Variants in WASHC3 observed in about 807,000 individuals in gnomAD.
The protein encoded by WASHC3 is WASH complex subunit CCDC53.
In WASHC3, 24 loss-of-function variants were observed where a neutral mutation model predicts 26.1. That is an observed-to-expected ratio of 0.92 (90% CI 0.66 to 1.29). The LOEUF (loss-of-function observed/expected upper bound fraction) is 1.29, where lower values mean the gene tolerates loss of function less well. Among genes scored for constraint, WASHC3 ranks in the 50% most tolerant of loss-of-function variants. The pLI, the probability that WASHC3 is intolerant of heterozygous loss-of-function variation, is 0.00. For synonymous variants in WASHC3, 77 were observed against 75.7 expected, an observed-to-expected ratio of 1.02 and a Z score of -0.09; for missense variants, 214 against 229.6, an observed-to-expected ratio of 0.93 and a Z score of 0.44.
intron 2 of WASHC3, among the ~76,000 whole-genome samples, chr12:102,055,138 C>T (rs968322160): frequency 1.3e-5 from 2 of 151,922 alleles, no homozygotes; most frequent in Admixed American, 6.6e-5. Context: ...AAAAGAAAAA[C>T]AAAATCCACA....
At chr12:102,018,702 T>G (rs1876816714) in intron 6 of WASHC3, among the ~76,000 whole-genome samples, 1 of 152,254 alleles carries the variant, frequency 6.6e-6, no homozygotes, top group Admixed American at 6.5e-5. Flanking sequence ...ACTCCTGGCT[T>G]CAAGTGATTC....
At chr12:102,015,668 A>G (rs1489336270) in intron 6 of WASHC3, among the ~76,000 whole-genome samples, 1 of 152,224 alleles carries the variant, frequency 6.6e-6, no homozygotes, top group Non-Finnish European at 1.5e-5. Flanking sequence ...TGTGTTAGGT[A>G]CTGGAGATAC....
At chr12:102,013,239 A>G (rs1876558844) in intron 6 of WASHC3, 47 bp from the exon 7 acceptor site, 1 of 916,680 alleles carries the variant, frequency 1.1e-6, no homozygotes. Flanking sequence ...CCAATTGAAA[A>G]GAGCACTTAC....
Position 102,061,229 on chromosome 12 carries a change from C to T in WASHC3, c.150+19G>A. ...GGTGATTTCCAGGCGACTCTATAAA[C>T]CAGTATCACCGGACCTACCTCCTCA... On this transcript the variant is annotated intron_variant, in intron 2 of 6. Coordinates refer to ENST00000240079, the MANE Select transcript of WASHC3 (RefSeq NM_016053.4). 3.2e-6 allele frequency: 5 copies of T among 1,544,702 alleles called. No homozygotes were observed. Among genetic ancestry groups the T allele is most frequent in the Non-Finnish European group, 4.5e-6 (5 of 1,117,122 alleles).
chr12:102,044,251 A>G (rs1247092553), intron 3 of WASHC3, 39 bp from the exon 4 acceptor site: 3 of 1,028,808 alleles, frequency 2.9e-6, no homozygotes, highest in Non-Finnish European at 4.4e-6. Flanking sequence ...TGAAGATAGT[A>G]CTTGCATAAA....
At chr12:102,047,243 C>T (rs1468975225) in intron 2 of WASHC3, among the ~76,000 whole-genome samples, 1 of 152,086 alleles carries the variant, frequency 6.6e-6, no homozygotes, top group Non-Finnish European at 1.5e-5. Flanking sequence ...ACACAGCATC[C>T]TGATTGTATT....
rs376789257 is a variant in WASHC3 at position 102,025,993 on chromosome 12, G to A, written c.481C>T (p.Leu161=). The A allele has an allele frequency of 5.2e-6, 8 of 1,531,920 alleles. No homozygotes were observed. The African/African-American group carries it at 9.6e-5, about 18-fold the overall frequency. The allele number at this position is 1,531,920 out of a possible 1,614,324, so 94.9% of individuals were successfully genotyped here. ...AIRNKMISEG[L]DPDLLERPDA... ...ACTTACTCAAGAAGATCTGGGTCTA[G>A]TCCTTCTGATATCATTTTGTTTCTT... Residue 161 remains leucine (L), a synonymous_variant, in exon 6 of 7, where the codon CTA becomes TTA. Coordinates refer to ENST00000240079, the MANE Select transcript of WASHC3 (RefSeq NM_016053.4).
At chr12:102,043,547 G>T (rs917804425) in intron 4 of WASHC3, 2 of 152,286 alleles carry the variant, frequency 1.3e-5, no homozygotes, top group Admixed American at 1.3e-4. Flanking sequence ...GGGATTACAG[G>T]CCTGAGTGAC....
At chr12:102,060,350 G>A (rs991107663) in intron 2 of WASHC3, among the ~76,000 whole-genome samples, 2 of 152,122 alleles carry the variant, frequency 1.3e-5, no homozygotes, top group African/African-American at 4.8e-5. Context: ...TTTCTCTGTT[G>A]TCCAGTCTTG....
intron 2 of WASHC3, 146 bp from the exon 3 acceptor site, chr12:102,046,265 G>A: frequency 3.8e-6 from 2 of 530,172 alleles, no homozygotes; most frequent in South Asian, 5.0e-5. Flanking sequence ...GTAGGAATGA[G>A]AACTCTTCTA....
intron 4 of WASHC3, among the ~76,000 whole-genome samples, chr12:102,043,361 G>A (rs954885262): frequency 1.8e-4 from 28 of 151,956 alleles, no homozygotes; most frequent in Middle Eastern, 6.8e-3. Context: ...CCTCTGCCTC[G>A]TGGGCTCAAG....
chr12:102,038,965 A>T (rs116045878), intron 5 of WASHC3, among the ~76,000 whole-genome samples: 2,786 of 151,416 alleles, frequency 0.018, 82 homozygotes, highest in African/African-American at 0.065. Context: ...TATTATTATT[A>T]TTTTTTGAGA....
At chr12:102,053,750 A>C (rs561522942) in intron 2 of WASHC3, among the ~76,000 whole-genome samples, 2 of 152,230 alleles carry the variant, frequency 1.3e-5, no homozygotes, top group Non-Finnish European at 2.9e-5. Flanking sequence ...ATTATTTAAA[A>C]AATCAAACAG....
At chr12:102,057,939 C>T (rs1490683689) in intron 2 of WASHC3, among the ~76,000 whole-genome samples, 2 of 151,786 alleles carry the variant, frequency 1.3e-5, no homozygotes, top group Non-Finnish European at 2.9e-5. Flanking sequence ...CACAAAAGAC[C>T]CTGAACAGGC....
At chr12:102,015,233 G>T (rs1421356517) in intron 6 of WASHC3, among the ~76,000 whole-genome samples, 1 of 152,080 alleles carries the variant, frequency 6.6e-6, no homozygotes, top group Non-Finnish European at 1.5e-5. Context: ...AGAGGCTGCA[G>T]TAAGCTGTGA....
chr12:102,030,075 C>T lies in WASHC3; in HGVS notation c.436-4037G>A, dbSNP rs138754390. On this transcript the variant is annotated intron_variant, in intron 5 of 6. Transcript: ENST00000240079. ...CTTTGGGAGGCTGAGGTGGGCGGAT[C>T]ACCTGAGGTCGGGAGTTCGAGACCA... 8.9e-4 allele frequency among the ~76,000 whole-genome samples: 136 copies of T among 152,182 alleles called. 3 individuals are homozygous for T. In the East Asian group the frequency reaches 0.024, roughly 27 times the overall value.
intron 5 of WASHC3, among the ~76,000 whole-genome samples, chr12:102,029,886 G>A (rs760337065): frequency 4.6e-5 from 7 of 152,070 alleles, no homozygotes; most frequent in East Asian, 1.9e-4. Flanking sequence ...AAAACGCTAC[G>A]GGTTGTTAAA....
At chr12:102,048,217 T>A (rs1878242584) in intron 2 of WASHC3, 1 of 151,776 alleles carries the variant, frequency 6.6e-6, no homozygotes, top group South Asian at 2.1e-4. Context: ...AGAGAAAAAA[T>A]TCTACCTTTA....
At chr12:102,037,964 T>G (rs1877746268) in intron 5 of WASHC3, among the ~76,000 whole-genome samples, 1 of 151,998 alleles carries the variant, frequency 6.6e-6, no homozygotes, top group Non-Finnish European at 1.5e-5. Flanking sequence ...ACCAGCTAAT[T>G]TTGTATTTTT....
Sources: gnomAD v4.1 joint callset for allele counts (sites outside exome capture counted in the v4.1 genomes callset) on GRCh38, gnomAD v4.1.1 for gene constraint, MANE v1.5 for transcripts, NCBI Gene and HGNC (gene_info 2026-07-23, HGNC 2026-07-21) for gene names.